The following SVIL variants were observed in gnomAD, a reference collection of about 807,000 sequenced individuals.
The protein encoded by SVIL is supervillin, also known as archvillin.
SVIL carries 101 observed loss-of-function variants against 240.4 expected under a neutral mutation model. The ratio of observed to expected loss-of-function variants is 0.42; its 90% confidence interval spans 0.36 to 0.50. The LOEUF (loss-of-function observed/expected upper bound fraction) is 0.50, where lower values mean the gene tolerates loss of function less well. Ranked by LOEUF, SVIL falls within the 20% of genes least tolerant of loss-of-function variation. SVIL has a pLI of 0.01. For missense variants in SVIL, 2,512 were observed against 2,818.7 expected (o/e 0.89, Z 2.46); for synonymous variants, 999 against 1,100.0 (o/e 0.91, Z 1.82).
intron 6 of SVIL, among the ~76,000 whole-genome samples, chr10:29,539,889 A>T (rs748816865): frequency 2.6e-5 from 4 of 152,082 alleles, no homozygotes; most frequent in Non-Finnish European, 2.9e-5. Context: ...CTTGGCCAAA[A>T]AATTGAGACT....
At chr10:29,581,757 A>G (rs4749463) in intron 1 of SVIL, among the ~76,000 whole-genome samples, 74,660 of 152,120 alleles carry the variant, frequency 0.49, 19,496 homozygotes, top group African/African-American at 0.68. Flanking sequence ...GACTCTTGGA[A>G]AGAAAAATTC....
At chr10:29,468,346 C>T (rs1466585223) in intron 32 of SVIL, among the ~76,000 whole-genome samples, 2 of 151,922 alleles carry the variant, frequency 1.3e-5, no homozygotes, top group Non-Finnish European at 2.9e-5. Flanking sequence ...TTTTTTTCAT[C>T]CATTAATATG....
intron 36 of SVIL, among the ~76,000 whole-genome samples, chr10:29,459,489 A>C (rs1001173885): frequency 6.6e-6 from 1 of 152,210 alleles, no homozygotes; most frequent in African/African-American, 2.4e-5. Flanking sequence ...AATTTGTTTA[A>C]AAATAAATAT....
intron 1 of SVIL, among the ~76,000 whole-genome samples, chr10:29,720,315 G>A (rs1339994069): frequency 6.6e-6 from 1 of 152,226 alleles, no homozygotes; most frequent in Non-Finnish European, 1.5e-5. Flanking sequence ...GTGTAAAATA[G>A]TGAAGCAAAA....
chr10:29,499,099 G>C lies in SVIL; in HGVS notation c.3664+17C>G. 7 of 1,587,898 alleles carry C rather than the reference G, an allele frequency of 4.4e-6. No individual in the cohort carries two copies. The highest frequency in any genetic ancestry group is 5.9e-6 in the Non-Finnish European group (7 of 1,178,140). ...GCATTGTGCACACACCACACACATG[G>C]ACACACACACACTGACCTTTCTTCA... On this transcript the variant is annotated intron_variant, in intron 18 of 37. Coordinates refer to ENST00000355867, the MANE Select transcript of SVIL (RefSeq NM_021738.3).
chr10:29,559,138 C>T (rs1196618044), intron 3 of SVIL, among the ~76,000 whole-genome samples: 1 of 151,822 alleles, frequency 6.6e-6, no homozygotes, highest in African/African-American at 2.4e-5. Context: ...ATTTATAAAG[C>T]CTACCTACAG....
chr10:29,486,672 A>G (rs1312140374), intron 24 of SVIL, 115 bp from the exon 25 acceptor site: 35 of 1,245,870 alleles, frequency 2.8e-5, no homozygotes, highest in Middle Eastern at 2.5e-4. Flanking sequence ...CCTTGTGACC[A>G]CGGGTGTGGG....
chr10:29,589,700 C>T (rs2488685), intron 1 of SVIL, among the ~76,000 whole-genome samples: 31,457 of 151,966 alleles, frequency 0.21, 3,351 homozygotes, highest in Middle Eastern at 0.27. Context: ...AATCAAGACT[C>T]CTGGAACAGG....
intron 6 of SVIL, among the ~76,000 whole-genome samples, chr10:29,547,317 A>G (rs74132324): frequency 6.6e-6 from 1 of 152,196 alleles, no homozygotes; most frequent in African/African-American, 2.4e-5. Context: ...AATATGTCCC[A>G]GGTATTTTCC....
chr10:29,499,094 A>G (rs746513056), intron 18 of SVIL, 22 bp downstream of exon 18: 6 of 1,611,820 alleles, frequency 3.7e-6, no homozygotes, highest in Non-Finnish European at 4.2e-6. Flanking sequence ...CACACCACAC[A>G]CATGGACACA....
intron 32 of SVIL, among the ~76,000 whole-genome samples, chr10:29,468,275 T>C (rs1945155400): frequency 1.3e-5 from 2 of 152,250 alleles, no homozygotes; most frequent in South Asian, 4.1e-4. Context: ...TTAAGGTGCA[T>C]CCATGTTGTA....
At chr10:29,625,699 T>C (rs1294071758) in intron 1 of SVIL, among the ~76,000 whole-genome samples, 4 of 152,164 alleles carry the variant, frequency 2.6e-5, no homozygotes, top group African/African-American at 7.2e-5. Flanking sequence ...CCTGATCTCG[T>C]GATCCACCCG....
chr10:29,495,725 T>A (rs578064043), intron 18 of SVIL, among the ~76,000 whole-genome samples: 4 of 152,310 alleles, frequency 2.6e-5, no homozygotes, highest in South Asian at 2.1e-4. Context: ...TTGGAAGTCC[T>A]GTCCATCTCC....
chr10:29,521,292 T>C (rs975255890), intron 16 of SVIL, among the ~76,000 whole-genome samples: 71 of 151,540 alleles, frequency 4.7e-4, no homozygotes, highest in African/African-American at 1.7e-3. Flanking sequence ...TGGTTTAGTA[T>C]AGTCTTAGGC....
chr10:29,522,638 G>T lies in SVIL; in HGVS notation c.3164-3C>A, dbSNP rs113176092. 2 of 1,613,278 alleles carry T rather than the reference G, an allele frequency of 1.2e-6. No homozygotes were observed. The highest frequency in any genetic ancestry group is 1.7e-6 in the Non-Finnish European group (2 of 1,179,680). ...AGTGGGCTCCCCGAACTCTGCCGCT[G>T]GGAAGGAAAAGAGCAACATCAGCAC... On this transcript the variant is annotated splice_polypyrimidine_tract_variant and splice_region_variant and intron_variant, in intron 15 of 37. Transcript: ENST00000355867.
chr10:29,691,028 A>G (rs1313593148), intron 1 of SVIL, among the ~76,000 whole-genome samples: 3 of 152,328 alleles, frequency 2.0e-5, no homozygotes, highest in African/African-American at 2.4e-5. Context: ...AGAAGCATCA[A>G]TTATTCAGTG....
intron 29 of SVIL, among the ~76,000 whole-genome samples, chr10:29,477,679 C>T (rs1946350785): frequency 1.3e-5 from 2 of 152,206 alleles, no homozygotes; most frequent in Non-Finnish European, 2.9e-5. Flanking sequence ...TGCCATCGGG[C>T]TGTGCTTCCC....
At chr10:29,655,239 T>C (rs1049341847) in intron 3 of SVIL, among the ~76,000 whole-genome samples, 1 of 152,102 alleles carries the variant, frequency 6.6e-6, no homozygotes, top group Non-Finnish European at 1.5e-5. Flanking sequence ...GAGAAGCTGG[T>C]AGTGGTCAGT....
In SVIL at chr10:29,457,707, A is replaced by G. The variant is rs969327555; in HGVS notation, c.*540T>C. On this transcript the variant is annotated 3_prime_UTR_variant, in exon 38 of 38. Transcript: ENST00000355867. ...CTAATGCTGCAGGAAACATTTCCAAACGTGTATGAAGATACATATTGGTGG... is the reference window on the plus strand; with the variant it reads ...CTAATGCTGCAGGAAACATTTCCAAGCGTGTATGAAGATACATATTGGTGG... The G allele has an allele frequency of 6.6e-6, 1 of 152,648 alleles. No homozygotes were observed. The highest frequency in any genetic ancestry group is 2.4e-5 in the African/African-American group (1 of 41,446). The allele number at this position is 152,648 out of a possible 1,614,324, so 9.5% of individuals were successfully genotyped here. A position where few individuals can be genotyped will look rare whatever the true frequency, so the allele number is the denominator to read the frequency against.
Sources: gnomAD v4.1 joint callset for allele counts (sites outside exome capture counted in the v4.1 genomes callset) on GRCh38, gnomAD v4.1.1 for gene constraint, MANE v1.5 for transcripts, NCBI Gene and HGNC (gene_info 2026-07-23, HGNC 2026-07-21) for gene names.